The following CNTNAP2 variants were observed in gnomAD, a reference collection of about 807,000 sequenced individuals.
CNTNAP2 encodes the protein contactin associated protein 2.
In CNTNAP2, 98 loss-of-function variants were observed where a neutral mutation model predicts 155.2. The observed-to-expected ratio is 0.63, with a 90% CI of 0.54 to 0.75. CNTNAP2 has a LOEUF of 0.75. Ranked by LOEUF, CNTNAP2 falls within the 30% of genes least tolerant of loss-of-function variation. The pLI is 0.00. For synonymous variants in CNTNAP2, 651 were observed against 631.2 expected, an observed-to-expected ratio of 1.03 and a Z score of -0.47; for missense variants, 1,727 against 1,688.1, an observed-to-expected ratio of 1.02 and a Z score of -0.40.
intron 11 of CNTNAP2, among the ~76,000 whole-genome samples, chr7:147,499,050 T>C (rs2116663894): frequency 6.6e-6 from 1 of 152,312 alleles, no homozygotes; most frequent in Admixed American, 6.5e-5. Context: ...GTTTTCATTG[T>C]ACTTTTTAAA....
intron 1 of CNTNAP2, among the ~76,000 whole-genome samples, chr7:146,508,919 C>G (rs1001914787): frequency 2.6e-5 from 4 of 152,120 alleles, no homozygotes; most frequent in African/African-American, 9.7e-5. Flanking sequence ...ATGAGATGGC[C>G]CCCTGCAGAA....
chr7:146,216,009 C>A (rs1257186507), intron 1 of CNTNAP2, among the ~76,000 whole-genome samples: 2 of 152,154 alleles, frequency 1.3e-5, no homozygotes, highest in Non-Finnish European at 2.9e-5. Context: ...GGAAGGGAGG[C>A]CAGTTGCTAA....
At chr7:147,848,299 G>A (rs1202155975) in intron 13 of CNTNAP2, among the ~76,000 whole-genome samples, 1 of 148,992 alleles carries the variant, frequency 6.7e-6, no homozygotes, top group Non-Finnish European at 1.5e-5. Flanking sequence ...TAGTCTCGTG[G>A]TGCGCCGTTT....
At chr7:146,935,097 A>C (rs531000320) in intron 3 of CNTNAP2, among the ~76,000 whole-genome samples, 2 of 152,300 alleles carry the variant, frequency 1.3e-5, no homozygotes, top group East Asian at 3.9e-4. Flanking sequence ...GGAACTGTGC[A>C]CCCATTGGAA....
At chr7:146,674,917 G>C (rs940258075) in intron 1 of CNTNAP2, among the ~76,000 whole-genome samples, 1 of 152,162 alleles carries the variant, frequency 6.6e-6, no homozygotes, top group Admixed American at 6.5e-5. Flanking sequence ...ACAGGTATAA[G>C]TTTCCTTTAC....
chr7:146,174,463 C>A (rs549289159), intron 1 of CNTNAP2, among the ~76,000 whole-genome samples: 1 of 151,982 alleles, frequency 6.6e-6, no homozygotes, highest in Non-Finnish European at 1.5e-5. Context: ...TCAAGTGATC[C>A]GCCCACCTCG....
chr7:147,611,765 T>C (rs1054309933), intron 12 of CNTNAP2, among the ~76,000 whole-genome samples: 1 of 152,210 alleles, frequency 6.6e-6, no homozygotes, highest in African/African-American at 2.4e-5. Context: ...TCTCTACACA[T>C]GATTAAAGCT....
At chr7:148,310,374 T>C (rs1381015823) in intron 21 of CNTNAP2, among the ~76,000 whole-genome samples, 1 of 152,256 alleles carries the variant, frequency 6.6e-6, no homozygotes, top group Admixed American at 6.5e-5. Context: ...GGAGGACAAC[T>C]GCAGCTAAAG....
At chr7:147,129,919 CTA>C (rs1354940781) in intron 7 of CNTNAP2, among the ~76,000 whole-genome samples, 1 of 151,876 alleles carries the variant, frequency 6.6e-6, no homozygotes, top group African/African-American at 2.4e-5. Context: ...AGTATATTGA[CTA>C]TGGAAAAATA....
At position 146,386,670 on chromosome 7, in the gene CNTNAP2, G is replaced by A. The variant is rs1433619991; in HGVS notation, c.97+269697G>A. Among the ~76,000 whole-genome samples the A allele has an allele frequency of 7.2e-5, 11 of 152,190 alleles. No individual in the cohort carries two copies. The East Asian group carries it at 1.7e-3, about 24-fold the overall frequency. On this transcript the variant is annotated intron_variant, in intron 1 of 23. Coordinates refer to ENST00000361727, the MANE Select transcript of CNTNAP2 (RefSeq NM_014141.6). Reference sequence around the variant, plus strand: ...CAAAGTGTTGGGATTACAGGCGTGAGCCACCGTGCCTGGTCCACATTCTGT... The same window carrying A: ...CAAAGTGTTGGGATTACAGGCGTGAACCACCGTGCCTGGTCCACATTCTGT...
At chr7:146,811,405 T>C (rs1395423816) in intron 2 of CNTNAP2, among the ~76,000 whole-genome samples, 1 of 152,180 alleles carries the variant, frequency 6.6e-6, no homozygotes, top group Non-Finnish European at 1.5e-5. Flanking sequence ...TCTTTGAACT[T>C]ATCTAATTTG....
chr7:147,558,903 C>T (rs1489488186), intron 11 of CNTNAP2, among the ~76,000 whole-genome samples: 1 of 152,112 alleles, frequency 6.6e-6, no homozygotes, highest in African/African-American at 2.4e-5. Context: ...CCACCATGCC[C>T]AGCTAATTTT....
intron 18 of CNTNAP2, among the ~76,000 whole-genome samples, chr7:148,213,549 T>C (rs1340054322): frequency 1.3e-5 from 2 of 152,016 alleles, no homozygotes; most frequent in African/African-American, 4.8e-5. Context: ...TGTGATTCAT[T>C]TGAATGCCCC....
At chr7:147,499,144 A>G (rs760421350) in intron 11 of CNTNAP2, among the ~76,000 whole-genome samples, 1 of 152,170 alleles carries the variant, frequency 6.6e-6, no homozygotes, top group Non-Finnish European at 1.5e-5. Flanking sequence ...TATAACTTTG[A>G]TGGTTGGGAA....
intron 18 of CNTNAP2, among the ~76,000 whole-genome samples, chr7:148,206,899 C>A (rs1331069141): frequency 2.6e-5 from 4 of 152,150 alleles, no homozygotes; most frequent in South Asian, 2.1e-4. Flanking sequence ...TCAGATGTCG[C>A]CTTCCTTAGT....
chr7:146,627,332 A>G (rs1195904858), intron 1 of CNTNAP2, among the ~76,000 whole-genome samples: 3 of 152,128 alleles, frequency 2.0e-5, no homozygotes, highest in Non-Finnish European at 4.4e-5. Flanking sequence ...GACTTTCCTA[A>G]ACTGACTGCT....
intron 8 of CNTNAP2, among the ~76,000 whole-genome samples, chr7:147,226,972 A>G (rs1454369358): frequency 6.6e-6 from 1 of 152,240 alleles, no homozygotes; most frequent in Non-Finnish European, 1.5e-5. Flanking sequence ...GATACAGACA[A>G]TTAATTGAAC....
At chr7:148,398,342 T>C (rs1379958229) in intron 22 of CNTNAP2, among the ~76,000 whole-genome samples, 1 of 152,230 alleles carries the variant, frequency 6.6e-6, no homozygotes, top group Non-Finnish European at 1.5e-5. Context: ...TTGGCAGAAC[T>C]GGTCCACAGA....
In CNTNAP2 at chr7:146,474,411, G is replaced by C. The variant is rs566187787; in HGVS notation, c.98-299860G>C. On this transcript the variant is annotated intron_variant, in intron 1 of 23. Transcript: ENST00000361727. Reference sequence around the variant, plus strand: ...CCCTTCTTATTTTATTTATTTATTTGTATTTTTTTTTTTTACCATGGTCTA... The same window carrying C: ...CCCTTCTTATTTTATTTATTTATTTCTATTTTTTTTTTTTACCATGGTCTA... Among the ~76,000 whole-genome samples, 805 of 141,558 alleles carry C rather than the reference G, an allele frequency of 5.7e-3. 9 individuals are homozygous for C. The highest frequency in any genetic ancestry group is 0.022 in the African/African-American group (765 of 34,964). 92.9% of individuals were successfully genotyped at this position (141,558 alleles called of 152,430 possible).
Sources: gnomAD v4.1 joint callset for allele counts (sites outside exome capture counted in the v4.1 genomes callset) on GRCh38, gnomAD v4.1.1 for gene constraint, MANE v1.5 for transcripts, NCBI Gene and HGNC (gene_info 2026-07-23, HGNC 2026-07-21) for gene names.